Variants in MSN observed in about 807,000 individuals in gnomAD.
MSN encodes epididymis luminal protein 70.
In MSN, 2 loss-of-function variants were observed where a neutral mutation model predicts 48.0. The ratio of observed to expected loss-of-function variants is 0.04; its 90% confidence interval spans 0.02 to 0.13. The LOEUF is 0.13. Among genes scored for constraint, MSN ranks in the 10% least tolerant of loss-of-function variants. The probability of loss-of-function intolerance (pLI) is 1.00; values close to 1 mark genes in which losing one functional copy is unlikely to be tolerated. For missense variants in MSN, 267 were observed against 470.1 expected, an observed-to-expected ratio of 0.57 and a Z score of 3.99; for synonymous variants, 146 against 166.9, an observed-to-expected ratio of 0.87 and a Z score of 0.97.
At chrX:65,684,244 T>C (rs2071088884) in intron 1 of MSN, among the ~76,000 whole-genome samples, 1 of 109,652 alleles carries the variant, frequency 9.1e-6, no homozygotes, top group South Asian at 3.9e-4. Context: ...GCCCAGCCCA[T>C]AGACTCTTTT....
intron 1 of MSN, among the ~76,000 whole-genome samples, chrX:65,593,868 G>C (rs2070167294): frequency 8.9e-6 from 1 of 112,595 alleles, no homozygotes; most frequent in South Asian, 3.6e-4. Context: ...AGGGTAAAAA[G>C]CAGTTTGTTA....
At chrX:65,615,296 G>A (rs1418288024) in intron 1 of MSN, among the ~76,000 whole-genome samples, 4 of 107,900 alleles carry the variant, frequency 3.7e-5, no homozygotes, top group African/African-American at 1.4e-4. Flanking sequence ...TTCCACAACG[G>A]TTGAACTAGT....
chrX:65,612,253 C>G (rs1035257701), intron 1 of MSN, among the ~76,000 whole-genome samples: 10 of 111,222 alleles, frequency 9.0e-5, no homozygotes, highest in African/African-American at 3.3e-4. Context: ...CTCTCACCCT[C>G]TCTTGCCCTC....
In MSN at chrX:65,738,256, A is replaced by AG. The variant is rs763283020; in HGVS notation, c.1252-264dup. ...CAGCTGCATACTTGCCAAGAGGGGC[A>AG]GGGGGAGAGATAATGAGGAAGGGAC... On this transcript the variant is annotated intron_variant, in intron 10 of 12. Coordinates refer to ENST00000360270, the MANE Select transcript of MSN (RefSeq NM_002444.3). Among the ~76,000 whole-genome samples, 61 of 112,107 alleles carry AG rather than the reference A, an allele frequency of 5.4e-4. 1 individual carries two copies. The East Asian group carries it at 0.016, about 29-fold the overall frequency.
intron 1 of MSN, among the ~76,000 whole-genome samples, chrX:65,627,427 G>A (rs1486631818): frequency 9.0e-6 from 1 of 110,789 alleles, no homozygotes; most frequent in Non-Finnish European, 1.9e-5. Context: ...GAGACGAAAG[G>A]CACTTCTTAC....
chrX:65,643,011 C>A (rs2070669495), intron 1 of MSN, among the ~76,000 whole-genome samples: 1 of 110,818 alleles, frequency 9.0e-6, no homozygotes, highest in South Asian at 3.9e-4. Flanking sequence ...CTCAGAGCAT[C>A]TGACCTGTGG....
chrX:65,736,724 C>A, intron 8 of MSN, 71 bp from the exon 9 acceptor site: 3 of 1,112,279 alleles, frequency 2.7e-6, no homozygotes, highest in South Asian at 2.1e-5. Context: ...GTGTGAGCCA[C>A]CGCGCCTGGC....
intron 1 of MSN, among the ~76,000 whole-genome samples, chrX:65,699,555 C>T (rs1602818614): frequency 3.6e-5 from 4 of 109,954 alleles, no homozygotes; most frequent in Admixed American, 9.8e-5. Context: ...CGAGACCATC[C>T]TGGCTAACAC....
intron 1 of MSN, among the ~76,000 whole-genome samples, chrX:65,653,321 A>G (rs1010033301): frequency 9.0e-6 from 1 of 111,546 alleles, no homozygotes; most frequent in African/African-American, 3.3e-5. Context: ...ATAGCCACAT[A>G]TGGGCTCACA....
chrX:65,596,338 A>T (rs1291207971), intron 1 of MSN, among the ~76,000 whole-genome samples: 1 of 111,151 alleles, frequency 9.0e-6, no homozygotes, highest in African/African-American at 3.3e-5. Context: ...GGAGGCTGGA[A>T]TCTGGGGCAT....
At chrX:65,682,001 A>G (rs1211897893) in intron 1 of MSN, among the ~76,000 whole-genome samples, 1 of 111,589 alleles carries the variant, frequency 9.0e-6, no homozygotes, top group Non-Finnish European at 1.9e-5. Context: ...TGGCCCTAGC[A>G]CAGCCCTACT....
At chrX:65,641,130 G>C (rs897731642) in intron 1 of MSN, among the ~76,000 whole-genome samples, 3 of 110,690 alleles carry the variant, frequency 2.7e-5, no homozygotes, top group Non-Finnish European at 5.7e-5. Context: ...ATAAATCTTG[G>C]CATAAGACAG....
chrX:65,599,458 C>T (rs1433359802), intron 1 of MSN, among the ~76,000 whole-genome samples: 2 of 111,656 alleles, frequency 1.8e-5, no homozygotes, highest in East Asian at 2.8e-4. Context: ...CATGGTGAAA[C>T]CTCATCTCTA....
intron 1 of MSN, among the ~76,000 whole-genome samples, chrX:65,671,483 T>C (rs1378558354): frequency 3.6e-5 from 4 of 111,940 alleles, no homozygotes; most frequent in Admixed American, 1.9e-4. Flanking sequence ...CTAGCATTAC[T>C]TGAGCCACTC....
At chrX:65,637,729 G>A (rs2070616676) in intron 1 of MSN, among the ~76,000 whole-genome samples, 1 of 108,752 alleles carries the variant, frequency 9.2e-6, no homozygotes, top group Non-Finnish European at 1.9e-5. Context: ...GTCTCACTAT[G>A]TTGCCCAGGC....
chrX:65,695,769 G>T (rs751531698), intron 1 of MSN, among the ~76,000 whole-genome samples: 8 of 108,989 alleles, frequency 7.3e-5, no homozygotes, highest in Non-Finnish European at 1.3e-4. Context: ...TCTATGAGCT[G>T]GCACCTAATG....
intron 1 of MSN, among the ~76,000 whole-genome samples, chrX:65,709,137 G>A (rs775240526): frequency 9.8e-5 from 11 of 112,042 alleles, no homozygotes; most frequent in African/African-American, 3.6e-4. Flanking sequence ...GATATCTCTT[G>A]GATATACTGA....
chrX:65,723,711 G>A (rs1420789469), intron 2 of MSN, among the ~76,000 whole-genome samples: 1 of 111,906 alleles, frequency 8.9e-6, no homozygotes. Flanking sequence ...TTGGAAAAGG[G>A]GTTTAGAGTT....
At chrX:65,591,133 C>T (rs986097886) in intron 1 of MSN, among the ~76,000 whole-genome samples, 3 of 111,383 alleles carry the variant, frequency 2.7e-5, no homozygotes, top group African/African-American at 9.8e-5. Context: ...AAGTCCTTGG[C>T]CATGAGAGTC....
Sources: gnomAD v4.1 joint callset for allele counts (sites outside exome capture counted in the v4.1 genomes callset) on GRCh38, gnomAD v4.1.1 for gene constraint, MANE v1.5 for transcripts, NCBI Gene and HGNC (gene_info 2026-07-23, HGNC 2026-07-21) for gene names.